Variants in TSPEAR observed in about 807,000 individuals in gnomAD.
TSPEAR encodes the protein thrombospondin type laminin G domain and EAR repeats.
TSPEAR carries 69 observed loss-of-function variants against 71.6 expected under a neutral mutation model. The observed-to-expected ratio is 0.96, with a 90% confidence interval of 0.79 to 1.18. The LOEUF is 1.18. TSPEAR is among the 50% of genes most tolerant of loss of function. TSPEAR has a pLI of 0.00. For synonymous variants in TSPEAR, 402 were observed against 387.2 expected, an observed-to-expected ratio of 1.04 and a Z score of -0.45; for missense variants, 971 against 894.9, an observed-to-expected ratio of 1.09 and a Z score of -1.09.
At chr21:44,645,117 A>G (rs935773285) in intron 1 of TSPEAR, among the ~76,000 whole-genome samples, 18 of 152,358 alleles carry the variant, frequency 1.2e-4, no homozygotes, top group African/African-American at 4.3e-4. Flanking sequence ...ATATTTTCAG[A>G]CAAGCAAGGA....
rs782563258 is a variant in TSPEAR, at chr21:44,612,095, C to G, written c.83-44090G>C. On this transcript the variant is annotated intron_variant, in intron 1 of 11. Transcript: ENST00000323084. The surrounding 1 kb of genome is among the most constrained non-coding windows in gnomAD (Gnocchi z 4.1). ...AGCACTCACACCACCCAGTCCAGCA[C>G]CCACCATGGCTGACGCCTGCTGCAC... 6.2e-7 allele frequency: 1 copy of G among 1,612,000 alleles called. No individual in the cohort carries two copies.
At chr21:44,517,007 C>G (rs2052594751) in intron 9 of TSPEAR, among the ~76,000 whole-genome samples, 1 of 152,224 alleles carries the variant, frequency 6.6e-6, no homozygotes, top group Non-Finnish European at 1.5e-5. Context: ...GCGGCTGCTG[C>G]ACAGGAAGGC....
chr21:44,525,625 C>T (rs587717502), intron 8 of TSPEAR, 28 bp downstream of exon 8: 2 of 1,609,540 alleles, frequency 1.2e-6, no homozygotes, highest in Admixed American at 1.7e-5. Flanking sequence ...ATGGTTGCCT[C>T]CCGGTGTGAA....
intron 2 of TSPEAR, among the ~76,000 whole-genome samples, chr21:44,541,505 G>A (rs587668270): frequency 1.3e-5 from 2 of 152,186 alleles, no homozygotes; most frequent in East Asian, 1.9e-4. Context: ...GAGTGAATCC[G>A]CATTAGAGAG....
chr21:44,669,278 C>T (rs781942487), intron 1 of TSPEAR, among the ~76,000 whole-genome samples: 1 of 152,154 alleles, frequency 6.6e-6, no homozygotes, highest in Non-Finnish European at 1.5e-5. Flanking sequence ...CAAAAATTAG[C>T]TGGGTGTGGT....
chr21:44,601,634 G>C (rs1555928862), intron 1 of TSPEAR: 1 of 1,612,124 alleles, frequency 6.2e-7, no homozygotes. Flanking sequence ...TGCCAGGCCA[G>C]CTGCTGCCGC....
intron 1 of TSPEAR, chr21:44,666,798 C>T: frequency 4.3e-6 from 7 of 1,611,948 alleles, no homozygotes; most frequent in Non-Finnish European, 5.9e-6. Flanking sequence ...GGATGCCTGG[C>T]AGGAGCTGGG....
chr21:44,678,479 A>G (rs1020373559), intron 1 of TSPEAR, among the ~76,000 whole-genome samples: 1 of 152,228 alleles, frequency 6.6e-6, no homozygotes, highest in Admixed American at 6.5e-5. Flanking sequence ...CTAGAAGCAG[A>G]AGCCTCTATG....
chr21:44,547,790 C>CACTTCCTGCTTGCACCTTT (rs782753184), intron 2 of TSPEAR, among the ~76,000 whole-genome samples: 2 of 151,992 alleles, frequency 1.3e-5, no homozygotes, highest in East Asian at 1.9e-4. Context: ...CTTGCATCTT[C>CACTTCCTGCTTGCACCTTT]ACTTCCTGCT....
At chr21:44,539,099 T>C in intron 2 of TSPEAR, 1 of 880,784 alleles carries the variant, frequency 1.1e-6, no homozygotes, top group Non-Finnish European at 1.7e-6. Flanking sequence ...AGCAGGCAGG[T>C]GGGCACCTGC....
chr21:44,661,167 G>C (rs1459090131), intron 1 of TSPEAR, among the ~76,000 whole-genome samples: 4 of 151,268 alleles, frequency 2.6e-5, no homozygotes, highest in Non-Finnish European at 4.4e-5. Context: ...CCAGCTACTC[G>C]GGAGGCTGCG....
chr21:44,654,651 G>A (rs782377140), intron 1 of TSPEAR: 1 of 1,392,514 alleles, frequency 7.2e-7, no homozygotes, highest in East Asian at 2.5e-5. Context: ...CAGAGGACAG[G>A]GCTGGTCTGG....
At chr21:44,581,800 T>G (rs940439834) in intron 1 of TSPEAR, among the ~76,000 whole-genome samples, 3 of 152,252 alleles carry the variant, frequency 2.0e-5, no homozygotes, top group African/African-American at 4.8e-5. Flanking sequence ...GTTTTTCCCC[T>G]CGTTTCACTG....
chr21:44,706,449 ATGTACACACCCACG>A (rs1569271183), intron 1 of TSPEAR, among the ~76,000 whole-genome samples: 2 of 150,218 alleles, frequency 1.3e-5, no homozygotes, highest in African/African-American at 4.9e-5. Context: ...GCGCACCCAC[ATGTACACACCCACG>A]TGCACACACC....
chr21:44,666,427 C>G (rs142306123), intron 1 of TSPEAR: 1 of 1,562,746 alleles, frequency 6.4e-7, no homozygotes, highest in East Asian at 2.2e-5. Flanking sequence ...CTGGGAGCAG[C>G]GGGTCTGGAG....
chr21:44,517,579 T>C (rs1555913623), intron 9 of TSPEAR: 1 of 356,706 alleles, frequency 2.8e-6, no homozygotes, highest in Non-Finnish European at 5.6e-6. Context: ...CCATGGGCTG[T>C]GAGCACAGGT....
At chr21:44,702,933 C>G in intron 1 of TSPEAR, 1 of 556,874 alleles carries the variant, frequency 1.8e-6, no homozygotes, top group Non-Finnish European at 3.2e-6. Flanking sequence ...ACCTCATACC[C>G]TACAACCACG....
In TSPEAR at chr21:44,645,641, C is replaced by T. The variant is rs185471119; in HGVS notation, c.82+65792G>A. ...TACTGGGATTAGAGGCATGAGTCAC[C>T]ACGCTCAGCCAGCTTCCTCTTATCT... On this transcript the variant is annotated intron_variant, in intron 1 of 11. Transcript: ENST00000323084. Among the ~76,000 whole-genome samples the T allele has an allele frequency of 9.9e-5, 15 of 152,172 alleles. No individual in the cohort carries two copies. In the East Asian group the frequency reaches 2.1e-3, roughly 22 times the overall value.
chr21:44,700,423 G>T (rs11088959), intron 1 of TSPEAR, among the ~76,000 whole-genome samples: 11 of 151,688 alleles, frequency 7.3e-5, no homozygotes, highest in Non-Finnish European at 1.3e-4. Context: ...GATGAAGGAC[G>T]GGAGAGAGGA....
Sources: gnomAD v4.1 joint callset for allele counts (sites outside exome capture counted in the v4.1 genomes callset) on GRCh38, gnomAD v4.1.1 for gene constraint, Gnocchi (gnomAD v3.1) non-coding constraint, MANE v1.5 for transcripts, NCBI Gene and HGNC (gene_info 2026-07-23, HGNC 2026-07-21) for gene names.